Variants in TRIO observed in about 807,000 individuals in gnomAD.
TRIO encodes the protein triple functional domain protein.
In TRIO, 58 loss-of-function variants were observed where a neutral mutation model predicts 351.9. That is an observed-to-expected ratio of 0.16 (90% CI 0.13 to 0.21). The LOEUF (loss-of-function observed/expected upper bound fraction) is 0.21, where lower values mean the gene tolerates loss of function less well. Ranked by LOEUF, TRIO falls within the 10% of genes least tolerant of loss-of-function variation. The probability of loss-of-function intolerance (pLI) is 1.00; values close to 1 mark genes in which losing one functional copy is unlikely to be tolerated. For missense variants in TRIO, 3,201 were observed against 4,027.8 expected, an observed-to-expected ratio of 0.79 and a Z score of 5.56; for synonymous variants, 1,758 against 1,595.7, an observed-to-expected ratio of 1.10 and a Z score of -2.42.
At chr5:14,174,141 C>T (rs1347089910) in intron 1 of TRIO, among the ~76,000 whole-genome samples, 1 of 152,174 alleles carries the variant, frequency 6.6e-6, no homozygotes, top group Non-Finnish European at 1.5e-5. Context: ...TAGTTGCCTT[C>T]CACCCGTGTG....
chr5:14,331,986 T>C (rs1461455705), intron 10 of TRIO, among the ~76,000 whole-genome samples: 1 of 152,240 alleles, frequency 6.6e-6, no homozygotes, highest in Admixed American at 6.5e-5. Flanking sequence ...TTCATGTTAA[T>C]GTTCCTGTTT....
intron 40 of TRIO, among the ~76,000 whole-genome samples, chr5:14,474,482 A>G (rs1402568826): frequency 6.6e-6 from 1 of 151,942 alleles, no homozygotes; most frequent in East Asian, 2.0e-4. Flanking sequence ...GACTGAGTTA[A>G]TACTTTTACC....
intron 18 of TRIO, among the ~76,000 whole-genome samples, chr5:14,373,330 C>G (rs1284393925): frequency 6.6e-6 from 1 of 152,176 alleles, no homozygotes; most frequent in Admixed American, 6.5e-5. Flanking sequence ...TAGCCTCGCT[C>G]CATCTACTGA....
At chr5:14,369,642 G>C in intron 18 of TRIO, 119 bp downstream of exon 18, 1 of 1,293,586 alleles carries the variant, frequency 7.7e-7, no homozygotes, top group East Asian at 2.6e-5. Context: ...GCTGTGGAAT[G>C]TAACGGGGCA....
intron 34 of TRIO, among the ~76,000 whole-genome samples, chr5:14,437,293 T>C (rs1330755983): frequency 6.6e-6 from 1 of 152,232 alleles, no homozygotes; most frequent in Non-Finnish European, 1.5e-5. Context: ...CTTACAGATT[T>C]TTTTTCCTTT....
At chr5:14,330,586 A>T (rs1174106638) in intron 9 of TRIO, among the ~76,000 whole-genome samples, 192 bp from the exon 10 acceptor site, 1 of 152,232 alleles carries the variant, frequency 6.6e-6, no homozygotes, top group Non-Finnish European at 1.5e-5. Context: ...GGGAAAGCTG[A>T]TGTAATTATC....
intron 3 of TRIO, among the ~76,000 whole-genome samples, chr5:14,280,974 C>T (rs1368997540): frequency 6.6e-6 from 1 of 152,148 alleles, no homozygotes; most frequent in Non-Finnish European, 1.5e-5. Flanking sequence ...ACACCAAGAG[C>T]AAGCAATGTT....
In TRIO at chr5:14,465,703, A is replaced by G. The variant is rs541750793; in HGVS notation, c.5763+63A>G. 7.5e-5 allele frequency: 117 copies of G among 1,569,010 alleles called. No homozygotes were observed. In the African/African-American group the frequency reaches 1.5e-3, roughly 20 times the overall value. On this transcript the variant is annotated intron_variant, in intron 37 of 56. Coordinates refer to ENST00000344204, the MANE Select transcript of TRIO (RefSeq NM_007118.4). ...GCTCTGTGTTGCTACTTGCAGATGGATTTGCCCTTGTCTTTGTATTGCTCT... is the reference window on the plus strand; with the variant it reads ...GCTCTGTGTTGCTACTTGCAGATGGGTTTGCCCTTGTCTTTGTATTGCTCT...
intron 1 of TRIO, among the ~76,000 whole-genome samples, chr5:14,266,065 C>T (rs1017082818): frequency 1.3e-5 from 2 of 151,206 alleles, no homozygotes; most frequent in Non-Finnish European, 2.9e-5. Context: ...CTTTCTTTTC[C>T]TTTTCTTTTT....
In TRIO at chr5:14,419,976, C is replaced by T. The variant is rs888944222; in HGVS notation, c.5158C>T (p.His1720Tyr). 2.5e-6 allele frequency: 4 copies of T among 1,614,192 alleles called. No individual in the cohort carries two copies. Among genetic ancestry groups the T allele is most frequent in the Non-Finnish European group, 3.4e-6 (4 of 1,180,026 alleles). ...LVPCGSLCIA[H>Y]SRSSMEMEGI... ...CCCCTGTGGTTCACTGTGCATCGCC[C>T]ACTCCAGAAGTAGCATGGAAATGGA... Residue 1720 changes from histidine to tyrosine, a missense_variant, in exon 34 of 57, where the codon CAC (histidine) becomes TAC (tyrosine). By Grantham distance (83) the His-to-Tyr change is moderately conservative. Coordinates refer to ENST00000344204, the MANE Select transcript of TRIO (RefSeq NM_007118.4).
At position 14,270,957 on chromosome 5, in the gene TRIO, T is replaced by A. The variant is rs375120861; in HGVS notation, c.232+58T>A. The A allele has an allele frequency of 1.8e-3, 2,329 of 1,273,744 alleles. 7 individuals are homozygous for A. Among genetic ancestry groups the A allele is most frequent in the Middle Eastern group, 0.011 (58 of 5,376 alleles). The allele number at this position is 1,273,744 out of a possible 1,614,324, so 78.9% of individuals were successfully genotyped here. On this transcript the variant is annotated intron_variant, in intron 2 of 56. Transcript: ENST00000344204. ...ACTGCTCTGACACAATTTCAGAGTCTGACGTAATAAATGAACTCACCTGCC... is the reference window on the plus strand; with the variant it reads ...ACTGCTCTGACACAATTTCAGAGTCAGACGTAATAAATGAACTCACCTGCC...
chr5:14,258,036 A>G (rs1341969787), intron 1 of TRIO, among the ~76,000 whole-genome samples: 1 of 151,928 alleles, frequency 6.6e-6, no homozygotes, highest in African/African-American at 2.4e-5. Flanking sequence ...AACTGCCCAC[A>G]GTCACCCCCC....
At chr5:14,336,822 G>A (rs2152319508) in intron 11 of TRIO, 95 bp downstream of exon 11, 1 of 1,362,798 alleles carries the variant, frequency 7.3e-7, no homozygotes, top group African/African-American at 1.4e-5. Context: ...TGAGAAAGTG[G>A]ACAAAGGTGG....
intron 1 of TRIO, among the ~76,000 whole-genome samples, chr5:14,234,632 G>T (rs1346221312): frequency 6.6e-6 from 1 of 152,140 alleles, no homozygotes; most frequent in Non-Finnish European, 1.5e-5. Context: ...AGTGAAAATT[G>T]TTTCTGTTCC....
intron 9 of TRIO, among the ~76,000 whole-genome samples, chr5:14,324,834 C>T (rs1475735189): frequency 6.6e-6 from 1 of 152,150 alleles, no homozygotes; most frequent in African/African-American, 2.4e-5. Flanking sequence ...CTGGACAGCC[C>T]CCCCATAATC....
chr5:14,268,241 A>G (rs1795798184), intron 1 of TRIO, among the ~76,000 whole-genome samples: 1 of 152,186 alleles, frequency 6.6e-6, no homozygotes, highest in Admixed American at 6.5e-5. Context: ...CTACTTTCAA[A>G]TCAATATGCT....
intron 34 of TRIO, among the ~76,000 whole-genome samples, chr5:14,454,176 G>A (rs1366224973): frequency 6.6e-6 from 1 of 152,154 alleles, no homozygotes; most frequent in South Asian, 2.1e-4. Context: ...TGATCCACCT[G>A]CATCAGCCTC....
chr5:14,289,320 G>A (rs1472652330), intron 4 of TRIO, among the ~76,000 whole-genome samples: 1 of 152,076 alleles, frequency 6.6e-6, no homozygotes, highest in Non-Finnish European at 1.5e-5. Flanking sequence ...GGAAGGTGTA[G>A]GTTGCAGTGA....
At chr5:14,426,509 C>A (rs1435374575) in intron 34 of TRIO, among the ~76,000 whole-genome samples, 1 of 152,164 alleles carries the variant, frequency 6.6e-6, no homozygotes, top group Non-Finnish European at 1.5e-5. Flanking sequence ...CTCCAAGGAA[C>A]GCTGAAGACC....
Sources: allele counts gnomAD v4.1 joint callset (sites outside exome capture counted in the v4.1 genomes callset), GRCh38; gene constraint gnomAD v4.1.1; transcripts MANE v1.5; gene names NCBI Gene and HGNC (gene_info 2026-07-23, HGNC 2026-07-21).